SPATS2: variants seen among roughly 807,000 people sequenced by gnomAD.
SPATS2 encodes spermatogenesis associated serine rich 2, also known as spermatogenesis-associated serine-rich protein 2.
SPATS2 carries 38 observed loss-of-function variants against 63.7 expected under a neutral mutation model. The observed-to-expected ratio is 0.60, with a 90% CI of 0.46 to 0.78. The LOEUF is 0.78. Ranked by LOEUF, SPATS2 falls within the 30% of genes least tolerant of loss-of-function variation. The pLI is 0.00. For missense variants in SPATS2, 588 were observed against 666.2 expected, an observed-to-expected ratio of 0.88 and a Z score of 1.29; for synonymous variants, 207 against 232.9, an observed-to-expected ratio of 0.89 and a Z score of 1.01.
chr12:49,404,683 T>G (rs574199210), intron 2 of SPATS2, among the ~76,000 whole-genome samples: 1 of 152,148 alleles, frequency 6.6e-6, no homozygotes, highest in East Asian at 1.9e-4. Context: ...ATGCTGTCTT[T>G]GCCCCTCCAA....
At chr12:49,400,217 C>G (rs1195523216) in intron 2 of SPATS2, among the ~76,000 whole-genome samples, 1 of 151,844 alleles carries the variant, frequency 6.6e-6, no homozygotes, top group Non-Finnish European at 1.5e-5. Context: ...TAAAAATTGA[C>G]CATCAGATTT....
At chr12:49,495,119 T>A in intron 7 of SPATS2, 117 bp downstream of exon 7, 1 of 1,099,772 alleles carries the variant, frequency 9.1e-7, no homozygotes, top group South Asian at 2.6e-5. Context: ...GCTTGCTGAT[T>A]AGTCTTTTTA....
chr12:49,461,246 A>G (rs1362055000), intron 3 of SPATS2: 1 of 572,712 alleles, frequency 1.7e-6, no homozygotes, highest in Non-Finnish European at 3.1e-6. Flanking sequence ...GCAAATTGTA[A>G]TATGCTTAAC....
intron 12 of SPATS2, among the ~76,000 whole-genome samples, chr12:49,523,545 TAGATCC>T (rs1946978211): frequency 6.6e-6 from 1 of 152,080 alleles, no homozygotes; most frequent in East Asian, 1.9e-4. Context: ...TGGCACATAA[TAGATCC>T]TTAAATAAAG....
chr12:49,515,650 G>A (rs893663764), intron 10 of SPATS2, among the ~76,000 whole-genome samples: 2 of 152,140 alleles, frequency 1.3e-5, no homozygotes, highest in Non-Finnish European at 1.5e-5. Context: ...TATTTTATCT[G>A]TATATTCTCT....
At chr12:49,481,943 T>C (rs984971979) in intron 3 of SPATS2, among the ~76,000 whole-genome samples, 1 of 152,148 alleles carries the variant, frequency 6.6e-6, no homozygotes, top group Admixed American at 6.6e-5. Context: ...TTCTTACCAA[T>C]AGAATTAGGT....
chr12:49,389,479 G>A, intron 2 of SPATS2: 2 of 777,788 alleles, frequency 2.6e-6, no homozygotes, highest in Non-Finnish European at 4.5e-6. Flanking sequence ...CACAGCTGAC[G>A]GCTGCGAGGG....
At position 49,500,054 on chromosome 12, in the gene SPATS2, G is replaced by A. The variant is rs371538037; in HGVS notation, c.704-16G>A. On this transcript the variant is annotated splice_polypyrimidine_tract_variant and intron_variant, in intron 8 of 13. Transcript: ENST00000552918. Reference sequence around the variant, plus strand: ...ATTCTTTTTTTTTTTTTAATATTTCGGTTTTTTTCCCCAAGGTTCCAATAT... The same window carrying A: ...ATTCTTTTTTTTTTTTTAATATTTCAGTTTTTTTCCCCAAGGTTCCAATAT... 4.2e-6 allele frequency: 6 copies of A among 1,415,594 alleles called. No individual in the cohort carries two copies. The highest frequency in any genetic ancestry group is 1.8e-5 in the South Asian group (1 of 55,938). The allele number at this position is 1,415,594 out of a possible 1,614,324, so 87.7% of individuals were successfully genotyped here. A position where few individuals can be genotyped will look rare whatever the true frequency, so the allele number is the denominator to read the frequency against.
intron 1 of SPATS2, among the ~76,000 whole-genome samples, chr12:49,371,023 C>T (rs1943988587): frequency 6.6e-6 from 1 of 152,102 alleles, no homozygotes; most frequent in Non-Finnish European, 1.5e-5. Flanking sequence ...TTTTTGTTTA[C>T]TTAAAAAAAA....
chr12:49,522,362 A>G (rs1159048567), intron 11 of SPATS2, among the ~76,000 whole-genome samples: 1 of 152,242 alleles, frequency 6.6e-6, no homozygotes, highest in Non-Finnish European at 1.5e-5. Context: ...CCATCTATCT[A>G]AATGGTATCA....
rs1270631876 is a variant in SPATS2, at chr12:49,522,791, G to A, written c.1049G>A (p.Arg350Gln). 12 of 1,613,676 alleles carry A rather than the reference G, an allele frequency of 7.4e-6. No individual in the cohort carries two copies. Among genetic ancestry groups the A allele is most frequent in the African/African-American group, 1.3e-5 (1 of 74,912 alleles). Residue 350 changes from arginine (R) to glutamine (Q), a missense_variant, in exon 12 of 14, where the codon CGA (arginine) becomes CAA (glutamine). Physicochemically the swap from Arg to Gln is conservative, Grantham distance 43. Coordinates refer to ENST00000552918, the MANE Select transcript of SPATS2 (RefSeq NM_023071.4). ...CGTAAATATGATGAGGATCTGGGAC[G>A]AGTAGCCCGGTTCACCTGTGATGTA... The part of the protein sequence containing the change: ...SERKYDEDLG[R>Q]VARFTCDVET...
chr12:49,523,000 A>G, intron 12 of SPATS2, 147 bp downstream of exon 12: 1 of 624,816 alleles, frequency 1.6e-6, no homozygotes, highest in Non-Finnish European at 2.7e-6. Context: ...TATGAAGTCC[A>G]TGGGTGCAGA....
intron 2 of SPATS2, among the ~76,000 whole-genome samples, chr12:49,419,995 C>A (rs1417032512): frequency 6.6e-6 from 1 of 152,146 alleles, no homozygotes; most frequent in Non-Finnish European, 1.5e-5. Flanking sequence ...CACTATGCAT[C>A]AAGGAAAAGC....
At chr12:49,512,582 C>T (rs1050257649) in intron 9 of SPATS2, among the ~76,000 whole-genome samples, 2 of 152,098 alleles carry the variant, frequency 1.3e-5, no homozygotes, top group African/African-American at 4.8e-5. Flanking sequence ...AATGTACTAG[C>T]ACAAATTTCC....
intron 2 of SPATS2, among the ~76,000 whole-genome samples, chr12:49,458,723 T>C (rs1187898246): frequency 6.6e-6 from 1 of 150,534 alleles, no homozygotes; most frequent in East Asian, 1.9e-4. Context: ...AGGTTGCAAA[T>C]TCCATCTCGT....
At position 49,526,040 on chromosome 12, in the gene SPATS2, C is replaced by G. The variant is rs955649557; in HGVS notation, c.1423C>G (p.Arg475Gly). The change falls in exon 14 of 14, where the codon CGT becomes GGT. Residue 475 changes from arginine (R) to glycine (G), a missense_variant. By Grantham distance (125) the Arg-to-Gly change is moderately radical. Coordinates refer to ENST00000552918, the MANE Select transcript of SPATS2 (RefSeq NM_023071.4). ...MNQGRHDSMG[R>G]YRNSSWYSSG... ...CCAAGGGCGGCATGACAGTATGGGT[C>G]GTTACAGAAACAGCTCGTGGTATTC... The G allele has an allele frequency of 6.2e-7, 1 of 1,614,178 alleles. No individual in the cohort carries two copies. Among genetic ancestry groups the G allele is most frequent in the Non-Finnish European group, 8.5e-7 (1 of 1,180,038 alleles).
At position 49,484,639 on chromosome 12, in the gene SPATS2, G is replaced by A. The variant is rs1309101065; in HGVS notation, c.75G>A (p.Gln25=). ...TGCAGTCCAATACCGTACTGGCCCAGGGAGGAGCTTTTGAGAACATGAAAG... is the reference window on the plus strand; with the variant it reads ...TGCAGTCCAATACCGTACTGGCCCAAGGAGGAGCTTTTGAGAACATGAAAG... ...FDLQSNTVLA[Q]GGAFENMKEK... is the part of the protein sequence containing the mutation. Residue 25 remains glutamine (Q), a synonymous_variant, in exon 4 of 14, where the codon CAG becomes CAA. Coordinates refer to ENST00000552918, the MANE Select transcript of SPATS2 (RefSeq NM_023071.4). 6.2e-7 allele frequency: 1 copy of A among 1,614,018 alleles called. No homozygotes were observed.
chr12:49,439,093 G>A (rs759750917), intron 2 of SPATS2, among the ~76,000 whole-genome samples: 7 of 152,222 alleles, frequency 4.6e-5, no homozygotes, highest in Non-Finnish European at 1.0e-4. Flanking sequence ...AATCTCTGAG[G>A]AGATGACATT....
At position 49,484,477 on chromosome 12, in the gene SPATS2, CTAA is replaced by C. The variant is rs1946255598; in HGVS notation, c.26-112_26-110del. On this transcript the variant is annotated intron_variant, in intron 3 of 13. Coordinates refer to ENST00000552918, the MANE Select transcript of SPATS2 (RefSeq NM_023071.4). ...TGTAACAGAATTTGCCAAATAGCAA[CTAA>C]GTTGCTGTTAATTGTTTTATGGGAC... 6 of 937,108 alleles carry C rather than the reference CTAA, an allele frequency of 6.4e-6. No homozygotes were observed. The East Asian group carries it at 1.6e-4, about 25-fold the overall frequency. 58.0% of individuals were successfully genotyped at this position (937,108 alleles called of 1,614,324 possible).
Sources: gnomAD v4.1 joint callset for allele counts (sites outside exome capture counted in the v4.1 genomes callset) on GRCh38, gnomAD v4.1.1 for gene constraint, MANE v1.5 for transcripts, NCBI Gene and HGNC (gene_info 2026-07-23, HGNC 2026-07-21) for gene names.